The following IGSF11 variants were observed in gnomAD, a reference collection of about 807,000 sequenced individuals.
The protein encoded by IGSF11 is immunoglobulin superfamily member 11, also known as CXADR like 1.
Under a neutral mutation model 41.0 loss-of-function variants are expected in IGSF11, and 22 were observed. The observed-to-expected ratio is 0.54, with a 90% CI of 0.38 to 0.77. The LOEUF is 0.77. Among genes scored for constraint, IGSF11 ranks in the 30% least tolerant of loss-of-function variants. The probability of loss-of-function intolerance (pLI) is 0.00; values close to 1 mark genes in which losing one functional copy is unlikely to be tolerated. For synonymous variants in IGSF11, 219 were observed against 201.3 expected (o/e 1.09, Z -0.74); for missense variants, 444 against 530.8 (o/e 0.84, Z 1.61).
At chr3:118,928,472 T>C (rs1469984672) in intron 3 of IGSF11, 37 bp downstream of exon 3, 2 of 1,553,098 alleles carry the variant, frequency 1.3e-6, no homozygotes, top group Non-Finnish European at 1.8e-6. Context: ...GCTTCGTGAG[T>C]AAAGCCCGAA....
intron 1 of IGSF11, among the ~76,000 whole-genome samples, chr3:118,957,497 C>A (rs2107594853): frequency 6.6e-6 from 1 of 152,250 alleles, no homozygotes; most frequent in South Asian, 2.1e-4. Flanking sequence ...TCCATTTCAC[C>A]TAACAAATGT....
At chr3:119,015,557 G>A (rs1938591371) in intron 1 of IGSF11, among the ~76,000 whole-genome samples, 3 of 152,050 alleles carry the variant, frequency 2.0e-5, no homozygotes, top group African/African-American at 7.2e-5. Flanking sequence ...CTCTATTTTA[G>A]AGGTAAGTAA....
At position 118,931,027 on chromosome 3, in the gene IGSF11, T is replaced by C. The variant is rs374982552; in HGVS notation, c.53-752A>G. Among the ~76,000 whole-genome samples, 76 of 152,308 alleles carry C rather than the reference T, an allele frequency of 5.0e-4. 1 individual carries two copies. Among genetic ancestry groups the C allele is most frequent in the African/African-American group, 1.8e-3 (75 of 41,560 alleles). On this transcript the variant is annotated intron_variant, in intron 1 of 6. Transcript: ENST00000393775. ...GGTACTAGCTTTTTAAGGATAGACATATAGATAAATGTCACAGGGTTGAGA... is the reference window on the plus strand; with the variant it reads ...GGTACTAGCTTTTTAAGGATAGACACATAGATAAATGTCACAGGGTTGAGA...
chr3:119,062,983 C>T (rs757407529), intron 1 of IGSF11, among the ~76,000 whole-genome samples: 1 of 152,118 alleles, frequency 6.6e-6, no homozygotes, highest in East Asian at 1.9e-4. Context: ...CAGGAATTGT[C>T]AACGGAATTA....
At chr3:118,971,977 G>A (rs1477795850) in intron 1 of IGSF11, among the ~76,000 whole-genome samples, 1 of 152,118 alleles carries the variant, frequency 6.6e-6, no homozygotes, top group Non-Finnish European at 1.5e-5. Context: ...TAAATACAAA[G>A]ATATTCAACC....
intron 1 of IGSF11, among the ~76,000 whole-genome samples, chr3:119,085,741 A>G (rs1559859077): frequency 6.6e-6 from 1 of 152,384 alleles, no homozygotes; most frequent in East Asian, 1.9e-4. Context: ...AAAGAATGTA[A>G]TAATACAATC....
chr3:119,111,940 G>A (rs142962376), intron 1 of IGSF11, among the ~76,000 whole-genome samples: 2,742 of 152,246 alleles, frequency 0.018, 102 homozygotes, highest in African/African-American at 0.062. Context: ...CTGTCTGATC[G>A]TTCCTCTGGA....
intron 1 of IGSF11, among the ~76,000 whole-genome samples, chr3:119,025,687 G>A (rs562028674): frequency 6.6e-6 from 1 of 151,964 alleles, no homozygotes; most frequent in African/African-American, 2.4e-5. Context: ...GCTTTGTATA[G>A]TCAGACATAC....
At chr3:119,071,800 T>G (rs1286141597) in intron 1 of IGSF11, among the ~76,000 whole-genome samples, 1 of 152,212 alleles carries the variant, frequency 6.6e-6, no homozygotes, top group Non-Finnish European at 1.5e-5. Context: ...CAAGATTGTT[T>G]TGGCTACTCT....
chr3:118,991,500 C>T (rs538739455), intron 1 of IGSF11, among the ~76,000 whole-genome samples: 2 of 152,274 alleles, frequency 1.3e-5, no homozygotes, highest in South Asian at 4.2e-4. Flanking sequence ...AGTGAAATAC[C>T]ACAATTAACC....
At chr3:119,120,290 T>C (rs1047884720) in intron 1 of IGSF11, among the ~76,000 whole-genome samples, 3 of 152,032 alleles carry the variant, frequency 2.0e-5, no homozygotes, top group African/African-American at 7.2e-5. Context: ...CTTAAAAAAA[T>C]AAAAGCAGCA....
At chr3:118,906,678 T>C (rs1939642725) in intron 4 of IGSF11, among the ~76,000 whole-genome samples, 1 of 152,216 alleles carries the variant, frequency 6.6e-6, no homozygotes, top group South Asian at 2.1e-4. Context: ...AATGCTTCAA[T>C]AGTTCACATT....
chr3:119,089,088 C>A (rs1470421692), intron 1 of IGSF11, among the ~76,000 whole-genome samples: 1 of 152,090 alleles, frequency 6.6e-6, no homozygotes, highest in Non-Finnish European at 1.5e-5. Flanking sequence ...ATGAAGCCAG[C>A]ATCAGCTTGA....
At chr3:119,080,280 AT>A (rs2076567150) in intron 1 of IGSF11, among the ~76,000 whole-genome samples, 1 of 152,020 alleles carries the variant, frequency 6.6e-6, no homozygotes, top group South Asian at 2.1e-4. Context: ...TATGGGAAAC[AT>A]TTTTTCTTTA....
At chr3:119,072,507 G>T (rs541972724) in intron 1 of IGSF11, among the ~76,000 whole-genome samples, 2 of 152,294 alleles carry the variant, frequency 1.3e-5, no homozygotes, top group East Asian at 1.9e-4. Flanking sequence ...AAGATGATGT[G>T]TCCGGAGTTT....
intron 3 of IGSF11, among the ~76,000 whole-genome samples, chr3:118,926,996 T>C (rs1166821168): frequency 6.6e-6 from 1 of 152,112 alleles, no homozygotes; most frequent in African/African-American, 2.4e-5. Context: ...TTATTTGTAA[T>C]GCTAATGACT....
intron 1 of IGSF11, among the ~76,000 whole-genome samples, chr3:119,028,751 T>C (rs185013381): frequency 6.6e-6 from 1 of 152,084 alleles, no homozygotes; most frequent in East Asian, 1.9e-4. Flanking sequence ...CCACAAAATA[T>C]TTACCAAGGT....
intron 1 of IGSF11, among the ~76,000 whole-genome samples, chr3:118,963,170 G>A (rs1171680660): frequency 6.6e-6 from 1 of 152,100 alleles, no homozygotes; most frequent in Non-Finnish European, 1.5e-5. Flanking sequence ...CTGATTCAAG[G>A]ACCCTACTTC....
chr3:118,994,201 G>A (rs1936055962), intron 1 of IGSF11, among the ~76,000 whole-genome samples: 1 of 152,092 alleles, frequency 6.6e-6, no homozygotes, highest in Non-Finnish European at 1.5e-5. Context: ...GGCTGGCTCT[G>A]GGGGCACCAG....
Sources: allele counts gnomAD v4.1 joint callset (sites outside exome capture counted in the v4.1 genomes callset), GRCh38; gene constraint gnomAD v4.1.1; transcripts MANE v1.5; gene names NCBI Gene and HGNC (gene_info 2026-07-23, HGNC 2026-07-21).